The following PHACTR2 variants were observed in gnomAD, a reference collection of about 807,000 sequenced individuals.
PHACTR2 encodes phosphatase and actin regulator 2.
In PHACTR2, 30 loss-of-function variants were observed where a neutral mutation model predicts 76.0. The ratio of observed to expected loss-of-function variants is 0.39; its 90% CI spans 0.30 to 0.54. The LOEUF is 0.54. Among genes scored for constraint, PHACTR2 ranks in the 20% least tolerant of loss-of-function variants. The pLI, the probability that PHACTR2 is intolerant of heterozygous loss-of-function variation, is 0.61. For synonymous variants in PHACTR2, 292 were observed against 292.5 expected (o/e 1.00, Z 0.02); for missense variants, 696 against 781.1 (o/e 0.89, Z 1.30).
Position 143,790,696 on chromosome 6 carries a change from C to T in PHACTR2, c.1845+1786C>T, listed in dbSNP as rs530787468. ...AGATTCTTTTTTTTTTTTTTTGAGACGGAGTCTCACTCTGTCACCCAGGCT... is the reference window on the plus strand; with the variant it reads ...AGATTCTTTTTTTTTTTTTTTGAGATGGAGTCTCACTCTGTCACCCAGGCT... On this transcript the variant is annotated intron_variant, in intron 11 of 12. Coordinates refer to ENST00000440869, the MANE Select transcript of PHACTR2 (RefSeq NM_001100164.2). Among the ~76,000 whole-genome samples, 14 of 140,492 alleles carry T rather than the reference C, an allele frequency of 1.0e-4. No individual in the cohort carries two copies. The South Asian group carries it at 1.1e-3, about 11-fold the overall frequency. The allele number at this position is 140,492 out of a possible 152,430, so 92.2% of individuals were successfully genotyped here. A position where few individuals can be genotyped will look rare whatever the true frequency, so the allele number is the denominator to read the frequency against.
In PHACTR2 at chr6:143,646,348, TATC is replaced by T. The variant is rs1455627403; in HGVS notation, c.13+38029_13+38031del. Among the ~76,000 whole-genome samples the T allele has an allele frequency of 6.6e-6, 1 of 152,226 alleles. No homozygotes were observed. Among genetic ancestry groups the T allele is most frequent in the Non-Finnish European group, 1.5e-5 (1 of 68,024 alleles). On this transcript the variant is annotated intron_variant, in intron 1 of 11. Transcript: ENST00000305766. The surrounding 1 kb of genome is among the most constrained non-coding windows in gnomAD (Gnocchi z 4.1). ...AGAACAAGCATTTATCTAACCTTAA[TATC>T]ATAGCATAACTCCTTAAAGTTTATT...
chr6:143,751,177 C>G lies in PHACTR2; in HGVS notation c.295+2112C>G, dbSNP rs949755092. Among the ~76,000 whole-genome samples the G allele has an allele frequency of 6.6e-6, 1 of 152,180 alleles. No homozygotes were observed. The highest frequency in any genetic ancestry group is 1.5e-5 in the Non-Finnish European group (1 of 68,024). Reference sequence around the variant, plus strand: ...CTCTTGACAGTGCCTGTCCATCAAGCCCTTTATTCAGTGAGCCAGATAGAC... The same window carrying G: ...CTCTTGACAGTGCCTGTCCATCAAGGCCTTTATTCAGTGAGCCAGATAGAC... On this transcript the variant is annotated intron_variant, in intron 3 of 12. Transcript: ENST00000440869. The surrounding 1 kb of genome is among the most constrained non-coding windows in gnomAD (Gnocchi z 5.7).
In PHACTR2 at chr6:143,578,142, T is replaced by G. The variant is rs1775534064; in HGVS notation, c.217+40935T>G. On this transcript the variant is annotated intron_variant, in intron 1 of 11. Coordinates refer to the PHACTR2 transcript ENST00000367584. The surrounding 1 kb of genome is among the most constrained non-coding windows in gnomAD (Gnocchi z 4.5). ...CAAAGAGGGAAGGAGCTTCATTTAC[T>G]GTTGTTCCTTCACAAAGGAACCATT... Among the ~76,000 whole-genome samples the G allele has an allele frequency of 6.6e-6, 1 of 152,194 alleles. No individual in the cohort carries two copies. Among genetic ancestry groups the G allele is most frequent in the Non-Finnish European group, 1.5e-5 (1 of 68,036 alleles).
At chr6:143,612,750 A>C (rs1161701151) in intron 1 of PHACTR2, among the ~76,000 whole-genome samples, 1 of 152,200 alleles carries the variant, frequency 6.6e-6, no homozygotes, top group East Asian at 1.9e-4. Flanking sequence ...TCTTCTAAAA[A>C]ACTTGATAAA....
chr6:143,547,286 A>G lies in PHACTR2; in HGVS notation c.217+10079A>G, dbSNP rs1775013537. The stretch of plus-strand genomic sequence containing the variant: ...TCATGTCTACATTTGAGTGACATAG[A>G]TGTACTGTCACTGAGGAAGATTTGA... On this transcript the variant is annotated intron_variant, in intron 1 of 11. Coordinates refer to the PHACTR2 transcript ENST00000367584. The surrounding 1 kb of genome is among the most constrained non-coding windows in gnomAD (Gnocchi z 4.2). Among the ~76,000 whole-genome samples, 1 of 152,224 alleles carries G rather than the reference A, an allele frequency of 6.6e-6. No homozygotes were observed. Among genetic ancestry groups the G allele is most frequent in the South Asian group, 2.1e-4 (1 of 4,830 alleles).
chr6:143,797,653 C>T (rs936133499), intron 11 of PHACTR2, among the ~76,000 whole-genome samples: 7 of 152,128 alleles, frequency 4.6e-5, no homozygotes, highest in African/African-American at 1.7e-4. Context: ...TTCCCAACAC[C>T]GTTTATTAAA....
rs1003135306 is a variant in PHACTR2 at position 143,780,088 on chromosome 6, A to G, written c.1645+2705A>G. 1.3e-5 allele frequency among the ~76,000 whole-genome samples: 2 copies of G among 152,092 alleles called. No homozygotes were observed. The highest frequency in any genetic ancestry group is 2.9e-5 in the Non-Finnish European group (2 of 68,012). On this transcript the variant is annotated intron_variant, in intron 9 of 12. Coordinates refer to ENST00000440869, the MANE Select transcript of PHACTR2 (RefSeq NM_001100164.2). This position sits in a 1 kb window ranked among gnomAD's most constrained non-coding sequence, Gnocchi z 4.4. Reference sequence around the variant, plus strand: ...ATGTAATTCTAGCCATGTCTTCTATAGAGAAAAATGAATTAGGCCATTGAG... The same window carrying G: ...ATGTAATTCTAGCCATGTCTTCTATGGAGAAAAATGAATTAGGCCATTGAG...
intron 2 of PHACTR2, among the ~76,000 whole-genome samples, chr6:143,741,611 T>C (rs1437750898): frequency 6.6e-6 from 1 of 152,142 alleles, no homozygotes; most frequent in African/African-American, 2.4e-5. Flanking sequence ...ATGATTACTA[T>C]CAGATTTCTG....
rs1776970173 is a variant in PHACTR2 at position 143,663,066 on chromosome 6, T to C, written c.14-48950T>C. ...TCATTCTTTTTTTATGGCTGTATAA[T>C]ATTCCCTGGTGTATTTGTACCACGT... On this transcript the variant is annotated intron_variant, in intron 1 of 11. Coordinates refer to the PHACTR2 transcript ENST00000305766. This position sits in a 1 kb window ranked among gnomAD's most constrained non-coding sequence, Gnocchi z 4.1. Among the ~76,000 whole-genome samples, 2 of 152,246 alleles carry C rather than the reference T, an allele frequency of 1.3e-5. No individual in the cohort carries two copies. Among genetic ancestry groups the C allele is most frequent in the Admixed American group, 1.3e-4 (2 of 15,284 alleles).
intron 7 of PHACTR2, among the ~76,000 whole-genome samples, chr6:143,773,842 T>G (rs1775209155): frequency 6.6e-6 from 1 of 152,238 alleles, no homozygotes; most frequent in Non-Finnish European, 1.5e-5. Flanking sequence ...TGTCCCAATA[T>G]TTTTCAGAAC....
rs1775690205 is a variant in PHACTR2, at chr6:143,591,279, T to A, written c.217+54072T>A. Among the ~76,000 whole-genome samples the A allele has an allele frequency of 1.3e-5, 2 of 152,166 alleles. No homozygotes were observed. The highest frequency in any genetic ancestry group is 4.1e-4 in the South Asian group (2 of 4,828). On this transcript the variant is annotated intron_variant, in intron 1 of 11. Coordinates refer to the PHACTR2 transcript ENST00000367584. The surrounding 1 kb of genome is among the most constrained non-coding windows in gnomAD (Gnocchi z 6.4). The stretch of plus-strand genomic sequence containing the variant: ...GGCATAAGATAAAAGGTGGGAAGAA[T>A]TCTTTAGAGATAAGCATGGAGGTGG...
intron 2 of PHACTR2, among the ~76,000 whole-genome samples, chr6:143,732,122 A>T (rs968190808): frequency 1.3e-5 from 2 of 152,240 alleles, no homozygotes; most frequent in Non-Finnish European, 2.9e-5. Context: ...AATTCTTTAA[A>T]TTAAATGGCC....
chr6:143,764,916 A>G lies in PHACTR2; in HGVS notation c.695-345A>G, dbSNP rs1279701529. On this transcript the variant is annotated intron_variant, in intron 5 of 12. Transcript: ENST00000440869. The surrounding 1 kb of genome is among the most constrained non-coding windows in gnomAD (Gnocchi z 4.7). ...CTGATGTCTGTCCTTTACGCACCAT[A>G]ACATTCCTTCTTGAGAGCATACCGG... is the stretch of plus-strand genomic sequence containing the variant. Among the ~76,000 whole-genome samples, 1 of 152,192 alleles carries G rather than the reference A, an allele frequency of 6.6e-6. No individual in the cohort carries two copies. The highest frequency in any genetic ancestry group is 1.5e-5 in the Non-Finnish European group (1 of 68,030).
chr6:143,776,536 T>A lies in PHACTR2; in HGVS notation c.1590-792T>A, dbSNP rs531106477. Among the ~76,000 whole-genome samples the A allele has an allele frequency of 2.0e-5, 3 of 152,334 alleles. No homozygotes were observed. The highest frequency in any genetic ancestry group is 7.2e-5 in the African/African-American group (3 of 41,576). On this transcript the variant is annotated intron_variant, in intron 8 of 12. Transcript: ENST00000440869. This position sits in a 1 kb window ranked among gnomAD's most constrained non-coding sequence, Gnocchi z 5.3. ...TCACAGGCAGAAGTCCGTAGTCAGG[T>A]ACCTAGCTAACATCCAGGCCGATCT...
intron 1 of PHACTR2, among the ~76,000 whole-genome samples, chr6:143,622,778 T>C (rs890682777): frequency 1.8e-4 from 27 of 152,210 alleles, no homozygotes; most frequent in South Asian, 8.3e-4. Context: ...AATTTAAAAA[T>C]ATATATTTTG....
At chr6:143,555,681 A>G (rs1775163778) in intron 1 of PHACTR2, among the ~76,000 whole-genome samples, 1 of 152,146 alleles carries the variant, frequency 6.6e-6, no homozygotes, top group African/African-American at 2.4e-5. Context: ...CCCACCCTAG[A>G]TGATTATGGT....
In PHACTR2 at chr6:143,611,413, G is replaced by A. The variant is rs537688843; in HGVS notation, c.13+3091G>A. ...AAAAGAGACTCGAGAGTTATTTGGA[G>A]CCAGACTGAGGAAGGGTTTGGAGTG... is the stretch of plus-strand genomic sequence containing the variant. On this transcript the variant is annotated intron_variant, in intron 1 of 11. Coordinates refer to the PHACTR2 transcript ENST00000305766. This position sits in a 1 kb window ranked among gnomAD's most constrained non-coding sequence, Gnocchi z 4.4. Among the ~76,000 whole-genome samples the A allele has an allele frequency of 6.6e-6, 1 of 152,304 alleles. No individual in the cohort carries two copies. Among genetic ancestry groups the A allele is most frequent in the Non-Finnish European group, 1.5e-5 (1 of 68,028 alleles).
chr6:143,828,448 C>T lies in PHACTR2; in HGVS notation c.*4759C>T, dbSNP rs1776590166. 6.6e-6 allele frequency: 1 copy of T among 152,190 alleles called. No homozygotes were observed. Among genetic ancestry groups the T allele is most frequent in the Non-Finnish European group, 1.5e-5 (1 of 68,034 alleles). 9.4% of individuals were successfully genotyped at this position (152,190 alleles called of 1,614,324 possible). On this transcript the variant is annotated 3_prime_UTR_variant, in exon 13 of 13. Coordinates refer to ENST00000440869, the MANE Select transcript of PHACTR2 (RefSeq NM_001100164.2). This position sits in a 1 kb window ranked among gnomAD's most constrained non-coding sequence, Gnocchi z 4.7. ...GTATGGAAATGCAAAGCACCATTAG[C>T]ATTTCTAGAAAGCAGCTGGAACCTT...
chr6:143,721,277 GATT>G (rs1184367444), intron 2 of PHACTR2, among the ~76,000 whole-genome samples: 1 of 152,158 alleles, frequency 6.6e-6, no homozygotes, highest in African/African-American at 2.4e-5. Context: ...TGCATTTTTA[GATT>G]ATTTGGAATT....
Sources: allele counts gnomAD v4.1 joint callset (sites outside exome capture counted in the v4.1 genomes callset), GRCh38; gene constraint gnomAD v4.1.1; non-coding constraint Gnocchi (gnomAD v3.1); transcripts MANE v1.5; gene names NCBI Gene and HGNC (gene_info 2026-07-23, HGNC 2026-07-21).